PLSCR2: variants seen among roughly 807,000 people sequenced by gnomAD.
PLSCR2 encodes phospholipid scramblase 2.
Under a neutral mutation model 25.3 loss-of-function variants are expected in PLSCR2, and 18 were observed. The observed-to-expected ratio is 0.71, with a 90% CI of 0.49 to 1.06. The LOEUF (loss-of-function observed/expected upper bound fraction) is 1.06. PLSCR2 is among the 50% of genes least tolerant of loss of function. The pLI is 0.00. For synonymous variants in PLSCR2, 88 were observed against 87.3 expected (o/e 1.01, Z -0.04); for missense variants, 243 against 269.5 (o/e 0.90, Z 0.69).
chr3:146,450,924 A>G (rs2040849899), intron 5 of PLSCR2, among the ~76,000 whole-genome samples: 1 of 152,096 alleles, frequency 6.6e-6, no homozygotes. Flanking sequence ...AATGACATGC[A>G]TATACAGATC....
At chr3:146,469,341 A>C in intron 1 of PLSCR2, 154 bp downstream of exon 1, 1 of 980,638 alleles carries the variant, frequency 1.0e-6, no homozygotes, top group Non-Finnish European at 1.2e-6. Context: ...CCCCTTGCCG[A>C]GTTTCCGTTC....
intron 2 of PLSCR2, among the ~76,000 whole-genome samples, chr3:146,399,254 C>T (rs6803636): frequency 0.87 from 132,089 of 151,788 alleles, 57,790 homozygotes; most frequent in African/African-American, 0.96. Context: ...ATAAATTTTG[C>T]CCCAATTTTT....
intron 1 of PLSCR2, among the ~76,000 whole-genome samples, chr3:146,466,821 T>A (rs1000700926): frequency 6.6e-5 from 10 of 152,192 alleles, no homozygotes; most frequent in Non-Finnish European, 1.3e-4. Context: ...TCCTATTTCA[T>A]TGAATAAAAA....
intron 6 of PLSCR2, among the ~76,000 whole-genome samples, chr3:146,447,927 G>T (rs1241416612): frequency 6.6e-6 from 1 of 152,140 alleles, no homozygotes; most frequent in Non-Finnish European, 1.5e-5. Context: ...CTCCATGAGT[G>T]CCATGCCACT....
At chr3:146,437,786 T>C (rs1346761022), downstream of PLSCR2, among the ~76,000 whole-genome samples, 1 of 152,216 alleles carries the variant, frequency 6.6e-6, no homozygotes, top group Non-Finnish European at 1.5e-5. Context: ...ACTTCTGCTC[T>C]GATCTTAGTT....
chr3:146,419,101 G>T (rs1011506060), intron 2 of PLSCR2, among the ~76,000 whole-genome samples: 2 of 151,314 alleles, frequency 1.3e-5, no homozygotes, highest in African/African-American at 4.8e-5. Flanking sequence ...ATTCTCTCAA[G>T]ATTTTTTTTC....
At chr3:146,453,954 T>C (rs772797362) in intron 5 of PLSCR2, 48 bp downstream of exon 5, 1 of 1,448,170 alleles carries the variant, frequency 6.9e-7, no homozygotes, top group South Asian at 1.5e-5. Flanking sequence ...CAAAATTATA[T>C]TCTTCTATTA....
intron 2 of PLSCR2, among the ~76,000 whole-genome samples, chr3:146,396,179 T>C (rs1417280039): frequency 6.6e-6 from 1 of 152,190 alleles, no homozygotes; most frequent in East Asian, 1.9e-4. Flanking sequence ...TACACTTAAT[T>C]CATATTATTT....
downstream of PLSCR2, among the ~76,000 whole-genome samples, chr3:146,441,505 T>A (rs1295836894): frequency 3.9e-5 from 6 of 151,924 alleles, no homozygotes; most frequent in Non-Finnish European, 8.8e-5. Flanking sequence ...TATCTAAATT[T>A]AAAAATTCCT....
At chr3:146,488,719 G>T (rs796756009) in intron 1 of PLSCR2, among the ~76,000 whole-genome samples, 2 of 152,180 alleles carry the variant, frequency 1.3e-5, no homozygotes, top group South Asian at 4.1e-4. Context: ...TTACACTGTC[G>T]GTGGGAATCT....
chr3:146,459,807 G>GTTTTT, intron 2 of PLSCR2, 41 bp downstream of exon 2: 3 of 1,167,126 alleles, frequency 2.6e-6, no homozygotes, highest in Non-Finnish European at 3.6e-6. Context: ...CAGAAAGAGA[G>GTTTTT]TTTTTTTTTT....
At chr3:146,485,303 G>T (rs1271137554) in intron 1 of PLSCR2, among the ~76,000 whole-genome samples, 2 of 152,050 alleles carry the variant, frequency 1.3e-5, no homozygotes, top group Admixed American at 1.3e-4. Flanking sequence ...CATAAAACAT[G>T]TTCTTTGAGA....
At chr3:146,411,875 T>C (rs2038865589) in intron 2 of PLSCR2, among the ~76,000 whole-genome samples, 1 of 151,804 alleles carries the variant, frequency 6.6e-6, no homozygotes, top group Non-Finnish European at 1.5e-5. Flanking sequence ...TACAAGGTGA[T>C]AGACTCAGGG....
At chr3:146,476,201 A>C (rs1389209971) in intron 1 of PLSCR2, among the ~76,000 whole-genome samples, 1 of 152,048 alleles carries the variant, frequency 6.6e-6, no homozygotes, top group East Asian at 1.9e-4. Flanking sequence ...AGGTACCCTC[A>C]GGTTCTATCA....
chr3:146,483,509 A>ATATATATAC (rs1553791539), intron 1 of PLSCR2, among the ~76,000 whole-genome samples: 1 of 127,066 alleles, frequency 7.9e-6, no homozygotes, highest in African/African-American at 3.1e-5. Flanking sequence ...ATATATATAT[A>ATATATATAC]ATGTTACTAC....
intron 2 of PLSCR2, among the ~76,000 whole-genome samples, chr3:146,408,646 C>T (rs375582758): frequency 2.6e-5 from 4 of 152,054 alleles, no homozygotes; most frequent in Non-Finnish European, 5.9e-5. Context: ...TCCTGAGCCA[C>T]AAATGCCAAA....
intron 1 of PLSCR2, among the ~76,000 whole-genome samples, chr3:146,486,816 G>A (rs1357612704): frequency 6.6e-6 from 1 of 152,032 alleles, no homozygotes; most frequent in Non-Finnish European, 1.5e-5. Context: ...ATTCATTTTA[G>A]GAGGCAGCGT....
chr3:146,446,078 G>A (rs979364929), intron 6 of PLSCR2, among the ~76,000 whole-genome samples: 2 of 152,056 alleles, frequency 1.3e-5, no homozygotes, highest in African/African-American at 4.8e-5. Flanking sequence ...TTTGTTGAGT[G>A]TTCTCAAAAC....
chr3:146,451,477 TA>T (rs34467612), intron 5 of PLSCR2, among the ~76,000 whole-genome samples: 72,966 of 151,860 alleles, frequency 0.48, 18,565 homozygotes, highest in South Asian at 0.7. Context: ...TTCTAAGTGA[TA>T]GGGGTAATAG....
Sources: allele counts gnomAD v4.1 joint callset (sites outside exome capture counted in the v4.1 genomes callset), GRCh38; gene constraint gnomAD v4.1.1; transcripts MANE v1.5; gene names NCBI Gene and HGNC (gene_info 2026-07-23, HGNC 2026-07-21).